The following EPRS1 variants were observed in gnomAD, a reference collection of about 807,000 sequenced individuals.
The protein encoded by EPRS1 is bifunctional glutamate/proline--tRNA ligase.
Under a neutral mutation model 188.3 loss-of-function variants are expected in EPRS1, and 107 were observed. The ratio of observed to expected loss-of-function variants is 0.57; its 90% CI spans 0.49 to 0.67. EPRS1 has a LOEUF of 0.67. Among genes scored for constraint, EPRS1 ranks in the 30% least tolerant of loss-of-function variants. The pLI is 0.00. For missense variants in EPRS1, 1,577 were observed against 1,802.2 expected (o/e 0.88, Z 2.26); for synonymous variants, 596 against 593.1 (o/e 1.00, Z -0.07).
intron 2 of EPRS1, among the ~76,000 whole-genome samples, chr1:220,039,740 G>A (rs1434625163): frequency 6.6e-6 from 1 of 152,118 alleles, no homozygotes; most frequent in East Asian, 1.9e-4. Context: ...GGATGGTCTC[G>A]ATCTCCTGAC....
intron 9 of EPRS1, among the ~76,000 whole-genome samples, chr1:220,020,847 T>C (rs1343028488): frequency 8.7e-6 from 1 of 115,242 alleles, no homozygotes; most frequent in African/African-American, 4.6e-5. Context: ...TATATATATA[T>C]ATATATATAT....
intron 9 of EPRS1, 120 bp from the exon 10 acceptor site, chr1:220,020,341 A>T: frequency 1.5e-6 from 1 of 668,986 alleles, no homozygotes. Context: ...ATTCTTAAAA[A>T]CCAAAAGGTT....
At chr1:219,988,109 CAT>C (rs1661039440) in intron 19 of EPRS1, among the ~76,000 whole-genome samples, 1 of 152,210 alleles carries the variant, frequency 6.6e-6, no homozygotes. Context: ...GTCTTCCACT[CAT>C]GTGAATCTGT....
intron 1 of EPRS1, among the ~76,000 whole-genome samples, chr1:220,043,297 TA>T (rs1392649887): frequency 6.6e-6 from 1 of 152,168 alleles, no homozygotes; most frequent in Non-Finnish European, 1.5e-5. Context: ...TCAATAAAAC[TA>T]ATTTTTAAAA....
At chr1:220,042,374 T>C (rs1349036818) in intron 1 of EPRS1, among the ~76,000 whole-genome samples, 1 of 151,256 alleles carries the variant, frequency 6.6e-6, no homozygotes, top group African/African-American at 2.4e-5. Flanking sequence ...TCCCAGCTAC[T>C]TGGGAGGCTG....
At chr1:220,035,786 G>A (rs1662165038) in intron 2 of EPRS1, among the ~76,000 whole-genome samples, 1 of 152,008 alleles carries the variant, frequency 6.6e-6, no homozygotes, top group African/African-American at 2.4e-5. Flanking sequence ...CTGTACTTCA[G>A]CTTGGGTGAC....
intron 15 of EPRS1, among the ~76,000 whole-genome samples, chr1:220,005,817 G>GTTT (rs765781858): frequency 2.5e-4 from 30 of 119,652 alleles, no homozygotes; most frequent in African/African-American, 7.4e-4. Context: ...TACTTACATC[G>GTTT]TTTTTTTTTT....
At chr1:220,000,607 A>G (rs1661332063) in intron 17 of EPRS1, among the ~76,000 whole-genome samples, 1 of 152,346 alleles carries the variant, frequency 6.6e-6, no homozygotes, top group East Asian at 1.9e-4. Context: ...TACATGAATT[A>G]AATCCTTTTA....
At chr1:220,038,082 C>CT (rs35446521) in intron 2 of EPRS1, among the ~76,000 whole-genome samples, 84,017 of 133,914 alleles carry the variant, frequency 0.63, 28,216 homozygotes, top group Non-Finnish European at 0.76. Flanking sequence ...TCAGCTTTAT[C>CT]TTTTTTTTTT....
rs770042083 is a variant in EPRS1, at chr1:219,979,658, AT to A, written c.3712-44del. On this transcript the variant is annotated intron_variant, in intron 26 of 31. Coordinates refer to ENST00000366923, the MANE Select transcript of EPRS1 (RefSeq NM_004446.3). ...AAATAAGCTTCATTTTTAATAACCT[AT>A]TATGCCCTTGAAAATGATTACTATA... 33 of 1,351,216 alleles carry A rather than the reference AT, an allele frequency of 2.4e-5. No individual in the cohort carries two copies. In the African/African-American group the frequency reaches 4.0e-4, roughly 17 times the overall value. 83.7% of individuals were successfully genotyped at this position (1,351,216 alleles called of 1,614,324 possible).
In EPRS1 at chr1:219,968,935, A is replaced by G. The variant is rs759981104; in HGVS notation, c.4410T>C (p.Gly1470=). Residue 1470 remains glycine (G), a synonymous_variant, in exon 32 of 32, where the codon GGT becomes GGC. Transcript: ENST00000366923. ...GGCTTTTAGCTCCCATGGATGGAGC[A>G]CCAGGTTCAAGATCTTGATCCCTGA... The part of the protein sequence containing the change: ...TTARDQDLEP[G]APSMGAKSLC... 5 of 1,614,090 alleles carry G rather than the reference A, an allele frequency of 3.1e-6. No homozygotes were observed. The highest frequency in any genetic ancestry group is 4.2e-6 in the Non-Finnish European group (5 of 1,179,922).
intron 20 of EPRS1, among the ~76,000 whole-genome samples, chr1:219,985,368 G>C (rs1660987411): frequency 6.6e-6 from 1 of 152,028 alleles, no homozygotes; most frequent in South Asian, 2.1e-4. Flanking sequence ...GTACTGATGT[G>C]TGCATATTAG....
In EPRS1 at chr1:219,978,754, G is replaced by A. The variant is rs992278313; in HGVS notation, c.3910-35C>T. ...GCACAATGTCCCAAATGTATGCAAA[G>A]AAACAGATATAGAAGTAATGAGCTC... On this transcript the variant is annotated intron_variant, in intron 27 of 31. Coordinates refer to ENST00000366923, the MANE Select transcript of EPRS1 (RefSeq NM_004446.3). 3.2e-6 allele frequency: 5 copies of A among 1,551,600 alleles called. No individual in the cohort carries two copies. In the African/African-American group the frequency reaches 5.5e-5, roughly 17 times the overall value.
intron 1 of EPRS1, among the ~76,000 whole-genome samples, 192 bp from the exon 2 acceptor site, chr1:220,040,461 C>A (rs1454524018): frequency 3.9e-5 from 6 of 152,196 alleles, no homozygotes; most frequent in African/African-American, 1.4e-4. Context: ...ATCCAGAATC[C>A]ATTCACTAGC....
At chr1:219,976,714 C>T (rs1043377605) in intron 28 of EPRS1, among the ~76,000 whole-genome samples, 9 of 152,032 alleles carry the variant, frequency 5.9e-5, no homozygotes, top group Non-Finnish European at 1.2e-4. Flanking sequence ...GAAAAACAGG[C>T]TGTCTGTGAA....
At chr1:220,041,627 G>A (rs891968516) in intron 1 of EPRS1, among the ~76,000 whole-genome samples, 2 of 152,094 alleles carry the variant, frequency 1.3e-5, no homozygotes, top group Non-Finnish European at 2.9e-5. Flanking sequence ...GATCACCTGA[G>A]GTCGGGAGTT....
chr1:219,977,631 C>T (rs1328837751), intron 28 of EPRS1, among the ~76,000 whole-genome samples: 1 of 151,548 alleles, frequency 6.6e-6, no homozygotes, highest in Non-Finnish European at 1.5e-5. Context: ...AAGGAAATGA[C>T]ATGGAAAAAA....
At chr1:220,019,425 G>A (rs1383564070) in intron 10 of EPRS1, among the ~76,000 whole-genome samples, 2 of 152,082 alleles carry the variant, frequency 1.3e-5, no homozygotes, top group Non-Finnish European at 2.9e-5. Context: ...ATAGGACCAT[G>A]AGAATCAGAA....
intron 28 of EPRS1, among the ~76,000 whole-genome samples, chr1:219,976,457 C>T (rs570163565): frequency 6.6e-6 from 1 of 152,196 alleles, no homozygotes; most frequent in African/African-American, 2.4e-5. Context: ...CACTACTATA[C>T]TAACTTGTAT....
Sources: allele counts gnomAD v4.1 joint callset (sites outside exome capture counted in the v4.1 genomes callset), GRCh38; gene constraint gnomAD v4.1.1; transcripts MANE v1.5; gene names NCBI Gene and HGNC (gene_info 2026-07-23, HGNC 2026-07-21).